The following ENTREP2 variants were observed in gnomAD, a reference collection of about 807,000 sequenced individuals.
ENTREP2 encodes protein ENTREP2.
At chr15:29,673,212 C>T in the ENTREP2 span, among the ~76,000 whole-genome samples, 4 of 152,088 alleles carry the variant, frequency 2.6e-5, no homozygotes, top group Non-Finnish European at 5.9e-5. Context: ...TAAAAGACGT[C>T]GCCATCTTGG....
At chr15:29,385,275 T>C in the ENTREP2 span, among the ~76,000 whole-genome samples, 1 of 152,214 alleles carries the variant, frequency 6.6e-6, no homozygotes, top group African/African-American at 2.4e-5. Flanking sequence ...AGGAAGTTAA[T>C]ATTGCTTTTA....
At chr15:29,279,706 A>C in the ENTREP2 span, among the ~76,000 whole-genome samples, 1 of 152,126 alleles carries the variant, frequency 6.6e-6, no homozygotes, top group Non-Finnish European at 1.5e-5. Flanking sequence ...CTGCAGATCA[A>C]TTTGGGTAGT....
At chr15:29,226,763 C>A in the ENTREP2 span, among the ~76,000 whole-genome samples, 1 of 152,184 alleles carries the variant, frequency 6.6e-6, no homozygotes, top group Non-Finnish European at 1.5e-5. Context: ...TGGCTACCCC[C>A]TCAAGAAGAA....
chr15:29,591,822 C>G, the ENTREP2 span, among the ~76,000 whole-genome samples: 1 of 118,368 alleles, frequency 8.4e-6, no homozygotes, highest in African/African-American at 3.6e-5. Flanking sequence ...AGTGAGACCC[C>G]ATCTCAAAAG....
chr15:29,344,879 G>A, the ENTREP2 span, among the ~76,000 whole-genome samples: 1 of 151,588 alleles, frequency 6.6e-6, no homozygotes, highest in South Asian at 2.1e-4. Context: ...TATAGAGCCA[G>A]GTAAACTCAT....
At chr15:29,659,600 C>T in the ENTREP2 span, among the ~76,000 whole-genome samples, 1 of 152,178 alleles carries the variant, frequency 6.6e-6, no homozygotes. Context: ...ATTCCTGCCT[C>T]CCTAAAGGTA....
chr15:29,572,210 G>C, the ENTREP2 span, among the ~76,000 whole-genome samples: 1 of 152,186 alleles, frequency 6.6e-6, no homozygotes. Flanking sequence ...ATGAACAGGG[G>C]GTAGGGAATT....
chr15:29,355,757 T>C, the ENTREP2 span, among the ~76,000 whole-genome samples: 1 of 152,136 alleles, frequency 6.6e-6, no homozygotes, highest in Admixed American at 6.5e-5. Flanking sequence ...GTGGGAAATA[T>C]ATATCACCCA....
the ENTREP2 span, among the ~76,000 whole-genome samples, chr15:29,451,440 GGCACTCCCAGACCACT>G: frequency 6.6e-6 from 1 of 152,146 alleles, no homozygotes; most frequent in South Asian, 2.1e-4. Context: ...ACAGAGAAAA[GGCACTCCCAGACCACT>G]GTCACAGAGA....
At chr15:29,155,213 T>C in the ENTREP2 span, among the ~76,000 whole-genome samples, 26 of 148,544 alleles carry the variant, frequency 1.8e-4, no homozygotes, top group Admixed American at 1.6e-3. Context: ...ACCCAGGAGG[T>C]GGAGCTTGCA....
chr15:29,573,007 C>T, the ENTREP2 span, among the ~76,000 whole-genome samples: 11 of 151,856 alleles, frequency 7.2e-5, no homozygotes, highest in Non-Finnish European at 1.5e-5. Context: ...GTGGAGATGT[C>T]GAGAATTGGG....
At chr15:29,647,067 G>C in the ENTREP2 span, among the ~76,000 whole-genome samples, 1 of 152,176 alleles carries the variant, frequency 6.6e-6, no homozygotes, top group Admixed American at 6.5e-5. Context: ...GTGCCCACCT[G>C]CAAGAACCAC....
the ENTREP2 span, among the ~76,000 whole-genome samples, chr15:29,359,487 A>G: frequency 6.6e-6 from 1 of 152,190 alleles, no homozygotes; most frequent in Non-Finnish European, 1.5e-5. Context: ...ATTTCAGCTC[A>G]CTGCAAGCTC....
At chr15:29,471,013 A>G in the ENTREP2 span, among the ~76,000 whole-genome samples, 1 of 152,190 alleles carries the variant, frequency 6.6e-6, no homozygotes, top group Non-Finnish European at 1.5e-5. Context: ...GAGGTGGGGC[A>G]TTGGAATCAC....
At chr15:29,543,736 G>A in the ENTREP2 span, among the ~76,000 whole-genome samples, 11 of 150,570 alleles carry the variant, frequency 7.3e-5, no homozygotes, top group African/African-American at 1.2e-4. Flanking sequence ...CCAAGATTGC[G>A]CCACTGCACT....
At chr15:29,487,756 G>C in the ENTREP2 span, among the ~76,000 whole-genome samples, 1 of 152,174 alleles carries the variant, frequency 6.6e-6, no homozygotes, top group Admixed American at 6.5e-5. Context: ...GCAGTGGCTC[G>C]ATCTCAGCTC....
chr15:29,553,492 T>C, the ENTREP2 span, among the ~76,000 whole-genome samples: 1 of 152,142 alleles, frequency 6.6e-6, no homozygotes, highest in Non-Finnish European at 1.5e-5. Flanking sequence ...TCCACATGCT[T>C]TTCTGCAGTG....
the ENTREP2 span, among the ~76,000 whole-genome samples, chr15:29,465,497 T>A: frequency 2.1e-4 from 32 of 152,268 alleles, no homozygotes; most frequent in African/African-American, 7.7e-4. Context: ...TGCAGAGGAT[T>A]GACTTAAGTG....
chr15:29,172,500 T>TG, the ENTREP2 span, among the ~76,000 whole-genome samples: 1 of 151,420 alleles, frequency 6.6e-6, no homozygotes, highest in Admixed American at 6.6e-5. Context: ...AGCAGGCCAG[T>TG]GGGGATGGAC....
Sources: allele counts gnomAD v4.1 joint callset (sites outside exome capture counted in the v4.1 genomes callset), GRCh38; gene constraint gnomAD v4.1.1; transcripts MANE v1.5; gene names NCBI Gene and HGNC (gene_info 2026-07-23, HGNC 2026-07-21).